Variants in PIBF1 observed in about 807,000 individuals in gnomAD.
PIBF1 encodes the protein progesterone-induced-blocking factor 1.
In PIBF1, 90 loss-of-function variants were observed where a neutral mutation model predicts 112.5. The observed-to-expected ratio is 0.80, with a 90% CI of 0.67 to 0.95. PIBF1 has a LOEUF of 0.95. Among genes scored for constraint, PIBF1 ranks in the 40% least tolerant of loss-of-function variants. PIBF1 has a pLI of 0.00. For synonymous variants in PIBF1, 301 were observed against 288.6 expected, an observed-to-expected ratio of 1.04 and a Z score of -0.44; for missense variants, 915 against 852.3, an observed-to-expected ratio of 1.07 and a Z score of -0.92.
chr13:73,006,597 G>A (rs1235675756), intron 17 of PIBF1, among the ~76,000 whole-genome samples: 2 of 152,074 alleles, frequency 1.3e-5, no homozygotes, highest in African/African-American at 2.4e-5. Context: ...ACCAGACATA[G>A]ATTTTTTTTC....
intron 14 of PIBF1, among the ~76,000 whole-genome samples, chr13:72,957,193 C>T (rs1391582164): frequency 2.0e-5 from 3 of 152,052 alleles, no homozygotes; most frequent in Non-Finnish European, 2.9e-5. Flanking sequence ...AGATATTATA[C>T]GAAAAAGATA....
chr13:72,932,958 A>G (rs1232960525), intron 14 of PIBF1, among the ~76,000 whole-genome samples: 1 of 152,172 alleles, frequency 6.6e-6, no homozygotes. Flanking sequence ...GTTGATGGAC[A>G]TTGGAGTCAT....
At chr13:72,908,486 C>G in intron 11 of PIBF1, 45 bp from the exon 12 acceptor site, 2 of 1,367,186 alleles carry the variant, frequency 1.5e-6, no homozygotes, top group East Asian at 4.8e-5. Context: ...CTTAACTGTG[C>G]ACCTGTTTAA....
intron 2 of PIBF1, among the ~76,000 whole-genome samples, chr13:72,790,146 C>T (rs911899762): frequency 5.3e-5 from 8 of 151,956 alleles, no homozygotes; most frequent in African/African-American, 1.7e-4. Context: ...ACTATGTAGT[C>T]AGAAAAGCTA....
intron 16 of PIBF1, among the ~76,000 whole-genome samples, chr13:72,977,939 A>G (rs1201900727): frequency 6.6e-6 from 1 of 152,162 alleles, no homozygotes; most frequent in East Asian, 1.9e-4. Context: ...GAAATAGGAT[A>G]TTTTAGGTTG....
chr13:72,958,533 T>C (rs1004602334), intron 14 of PIBF1, among the ~76,000 whole-genome samples: 10 of 152,080 alleles, frequency 6.6e-5, no homozygotes, highest in African/African-American at 2.4e-4. Context: ...GCTTTAATTA[T>C]TGACATAATA....
At chr13:72,903,494 A>G (rs2040578175) in intron 11 of PIBF1, among the ~76,000 whole-genome samples, 1 of 152,190 alleles carries the variant, frequency 6.6e-6, no homozygotes, top group Non-Finnish European at 1.5e-5. Context: ...AATGATGCAA[A>G]TATTCTATAT....
At chr13:72,894,782 T>C (rs34976147) in intron 11 of PIBF1, among the ~76,000 whole-genome samples, 39,233 of 146,392 alleles carry the variant, frequency 0.27, 6,143 homozygotes, top group South Asian at 0.45. Context: ...AGTGTGTGTG[T>C]GTGTGTGTGT....
chr13:72,827,975 A>T, intron 8 of PIBF1, 61 bp downstream of exon 8: 1 of 1,234,892 alleles, frequency 8.1e-7, no homozygotes, highest in Non-Finnish European at 1.1e-6. Flanking sequence ...CTTTGAGGGA[A>T]CTCTTGGCTT....
chr13:72,928,046 C>CATATATATATATATATACAT (rs2041585926), intron 13 of PIBF1, among the ~76,000 whole-genome samples: 2 of 109,918 alleles, frequency 1.8e-5, no homozygotes, highest in South Asian at 3.0e-4. Context: ...TATATATATA[C>CATATATATATATATATACAT]ATATATATAT....
intron 14 of PIBF1, among the ~76,000 whole-genome samples, chr13:72,953,132 A>G (rs2042348131): frequency 6.6e-6 from 1 of 152,112 alleles, no homozygotes; most frequent in Non-Finnish European, 1.5e-5. Context: ...GCCAACAGGA[A>G]AGTAATACAC....
Position 72,815,597 on chromosome 13 carries a change from G to T in PIBF1, c.673-6252G>T, listed in dbSNP as rs548450369. Among the ~76,000 whole-genome samples, 138 of 152,266 alleles carry T rather than the reference G, an allele frequency of 9.1e-4. 1 individual carries two copies. The South Asian group carries it at 0.018, about 20-fold the overall frequency. ...CTTTTTTTCCTGATAATTTGCAGGG[G>T]TTGTTGGAGGGAGGAAGTGTGGTAC... On this transcript the variant is annotated intron_variant, in intron 5 of 17. Coordinates refer to ENST00000326291, the MANE Select transcript of PIBF1 (RefSeq NM_006346.4).
At chr13:72,943,084 A>G (rs1255875320) in intron 14 of PIBF1, among the ~76,000 whole-genome samples, 1 of 152,186 alleles carries the variant, frequency 6.6e-6, no homozygotes, top group Non-Finnish European at 1.5e-5. Flanking sequence ...TAACACTTAG[A>G]TGAGATACTA....
At chr13:73,009,881 A>G (rs2044142779) in intron 17 of PIBF1, among the ~76,000 whole-genome samples, 2 of 152,200 alleles carry the variant, frequency 1.3e-5, no homozygotes, top group South Asian at 4.1e-4. Context: ...AGATAAAAGG[A>G]GAGTCAGAAA....
At chr13:72,802,912 A>C (rs771935353) in intron 5 of PIBF1, among the ~76,000 whole-genome samples, 1 of 152,202 alleles carries the variant, frequency 6.6e-6, no homozygotes, top group Non-Finnish European at 1.5e-5. Flanking sequence ...TAGGGAAATT[A>C]AGAGAATTTT....
At chr13:72,831,940 G>A (rs2037136025) in intron 8 of PIBF1, among the ~76,000 whole-genome samples, 1 of 152,028 alleles carries the variant, frequency 6.6e-6, no homozygotes, top group Non-Finnish European at 1.5e-5. Flanking sequence ...TGTAATGGGT[G>A]CATATATATT....
chr13:72,969,049 AAAT>A (rs931472888), intron 15 of PIBF1, among the ~76,000 whole-genome samples: 1 of 152,014 alleles, frequency 6.6e-6, no homozygotes, highest in Non-Finnish European at 1.5e-5. Context: ...ATAAAAATAA[AAAT>A]AATGAGAGTG....
intron 2 of PIBF1, among the ~76,000 whole-genome samples, chr13:72,790,463 A>ACACACACT (rs1555280999): frequency 6.9e-6 from 1 of 144,270 alleles, no homozygotes; most frequent in Non-Finnish European, 1.5e-5. Context: ...ACACACACAC[A>ACACACACT]CTTATAGATA....
chr13:72,942,702 T>C (rs979786551), intron 14 of PIBF1, among the ~76,000 whole-genome samples: 2 of 152,172 alleles, frequency 1.3e-5, no homozygotes, highest in Non-Finnish European at 1.5e-5. Context: ...TTTGTTGATA[T>C]TAAAAATCCT....
Sources: allele counts gnomAD v4.1 joint callset (sites outside exome capture counted in the v4.1 genomes callset), GRCh38; gene constraint gnomAD v4.1.1; transcripts MANE v1.5; gene names NCBI Gene and HGNC (gene_info 2026-07-23, HGNC 2026-07-21).